The following GRIK3 variants were observed in gnomAD, a reference collection of about 807,000 sequenced individuals.
The protein encoded by GRIK3 is glutamate receptor ionotropic, kainate 3.
GRIK3 carries 29 observed loss-of-function variants against 102.5 expected under a neutral mutation model. The observed-to-expected ratio is 0.28, with a 90% confidence interval of 0.21 to 0.39. The LOEUF (loss-of-function observed/expected upper bound fraction) is 0.39. GRIK3 is among the 10% of genes least tolerant of loss of function. The pLI, the probability that GRIK3 is intolerant of heterozygous loss-of-function variation, is 1.00. For synonymous variants in GRIK3, 511 were observed against 504.9 expected, an observed-to-expected ratio of 1.01 and a Z score of -0.16; for missense variants, 908 against 1,252.4, an observed-to-expected ratio of 0.73 and a Z score of 4.15.
intron 15 of GRIK3, among the ~76,000 whole-genome samples, chr1:36,802,822 G>C (rs1642456800): frequency 6.6e-6 from 1 of 152,158 alleles, no homozygotes; most frequent in African/African-American, 2.4e-5. Flanking sequence ...CTGGGGACTA[G>C]GCTTTGTATT....
intron 1 of GRIK3, among the ~76,000 whole-genome samples, chr1:36,987,932 T>C (rs1159303661): frequency 2.0e-5 from 3 of 152,168 alleles, no homozygotes; most frequent in Non-Finnish European, 4.4e-5. Flanking sequence ...CCTGCTTTAA[T>C]AGAACTCAGG....
At chr1:36,973,476 G>A (rs111883742) in intron 1 of GRIK3, among the ~76,000 whole-genome samples, 35,980 of 144,358 alleles carry the variant, frequency 0.25, 5,690 homozygotes, top group African/African-American at 0.46. Context: ...CTGGAGTGCA[G>A]TGGCACAATC....
At chr1:36,985,494 A>G (rs1211106067) in intron 1 of GRIK3, among the ~76,000 whole-genome samples, 1 of 152,174 alleles carries the variant, frequency 6.6e-6, no homozygotes, top group Non-Finnish European at 1.5e-5. Flanking sequence ...GGGGGCTGCA[A>G]GAGCAGGCAG....
intron 9 of GRIK3, among the ~76,000 whole-genome samples, chr1:36,845,233 CA>C (rs1257948021): frequency 6.6e-6 from 1 of 152,180 alleles, no homozygotes; most frequent in Non-Finnish European, 1.5e-5. Context: ...TCCAGACAGC[CA>C]ATTCACAAGC....
intron 1 of GRIK3, among the ~76,000 whole-genome samples, chr1:37,018,427 T>A (rs1425640938): frequency 6.6e-6 from 1 of 152,206 alleles, no homozygotes; most frequent in Non-Finnish European, 1.5e-5. Flanking sequence ...CTCCTTCTCA[T>A]ACACCGCAAC....
At chr1:36,940,315 G>A (rs522309) in intron 1 of GRIK3, among the ~76,000 whole-genome samples, 8,157 of 152,264 alleles carry the variant, frequency 0.054, 655 homozygotes, top group African/African-American at 0.17. Flanking sequence ...GAGAGGTCCA[G>A]TGCTCTTTTG....
At chr1:36,987,194 G>A (rs1642315220) in intron 1 of GRIK3, among the ~76,000 whole-genome samples, 1 of 151,288 alleles carries the variant, frequency 6.6e-6, no homozygotes, top group Non-Finnish European at 1.5e-5. Flanking sequence ...TCCATCAGGT[G>A]GGCAGCACTG....
chr1:36,974,059 AG>A (rs1642171189), intron 1 of GRIK3, among the ~76,000 whole-genome samples: 1 of 152,142 alleles, frequency 6.6e-6, no homozygotes, highest in Non-Finnish European at 1.5e-5. Context: ...CATGGGATTG[AG>A]GCCCCAGCAA....
At chr1:36,839,935 G>T (rs753205344) in intron 10 of GRIK3, among the ~76,000 whole-genome samples, 1 of 152,164 alleles carries the variant, frequency 6.6e-6, no homozygotes, top group Non-Finnish European at 1.5e-5. Context: ...CCGAGGCAAG[G>T]GGGCTTAACC....
chr1:36,886,926 G>A (rs752995927), intron 2 of GRIK3, among the ~76,000 whole-genome samples: 50 of 152,172 alleles, frequency 3.3e-4, no homozygotes, highest in Non-Finnish European at 5.3e-4. Context: ...AGTGGAGAAA[G>A]TTTATTCTTT....
chr1:36,812,382 G>T (rs1450538825), intron 13 of GRIK3, among the ~76,000 whole-genome samples: 1 of 152,052 alleles, frequency 6.6e-6, no homozygotes, highest in Admixed American at 6.5e-5. Flanking sequence ...CACTGAAAAA[G>T]GTCTAAGTGC....
intron 1 of GRIK3, among the ~76,000 whole-genome samples, chr1:36,960,716 T>C (rs1174427491): frequency 6.6e-6 from 1 of 152,206 alleles, no homozygotes; most frequent in Non-Finnish European, 1.5e-5. Flanking sequence ...CCTGGCTCCT[T>C]GGAGGCTGCT....
chr1:36,879,423 G>C (rs1244318544), intron 3 of GRIK3, among the ~76,000 whole-genome samples: 2 of 152,194 alleles, frequency 1.3e-5, no homozygotes, highest in Non-Finnish European at 2.9e-5. Flanking sequence ...GATCCCAGAG[G>C]TCGAGGTGAT....
At chr1:36,937,293 A>G (rs187997685) in intron 1 of GRIK3, among the ~76,000 whole-genome samples, 1 of 152,272 alleles carries the variant, frequency 6.6e-6, no homozygotes, top group African/African-American at 2.4e-5. Flanking sequence ...CCCGGTGTGA[A>G]TCAGCTTCCT....
rs537845793 is a variant in GRIK3 at position 36,959,438 on chromosome 1, C to T, written c.116-68342G>A. Among the ~76,000 whole-genome samples the T allele has an allele frequency of 4.1e-5, 5 of 123,124 alleles. 1 individual carries two copies. Among genetic ancestry groups the T allele is most frequent in the African/African-American group, 1.4e-4 (5 of 34,738 alleles). 80.8% of individuals were successfully genotyped at this position (123,124 alleles called of 152,430 possible). ...GATCTGTGAGTCTGTGAGTCTGTGC[C>T]CCGTGACTCTGTGCCCCATGAGCCT... On this transcript the variant is annotated intron_variant, in intron 1 of 15. Transcript: ENST00000373091.
At chr1:36,917,977 T>G (rs1269891208) in intron 1 of GRIK3, among the ~76,000 whole-genome samples, 4 of 152,200 alleles carry the variant, frequency 2.6e-5, no homozygotes, top group African/African-American at 9.6e-5. Context: ...GCAGCTGCAT[T>G]TGCAGAACTG....
chr1:36,847,030 C>T (rs193004380), intron 9 of GRIK3, among the ~76,000 whole-genome samples: 103 of 152,382 alleles, frequency 6.8e-4, no homozygotes, highest in African/African-American at 2.4e-3. Flanking sequence ...AAGCACACCT[C>T]ACCCTCCGGT....
At chr1:36,977,914 C>A (rs1276229351) in intron 1 of GRIK3, among the ~76,000 whole-genome samples, 1 of 152,256 alleles carries the variant, frequency 6.6e-6, no homozygotes, top group Non-Finnish European at 1.5e-5. Context: ...GGGGCAGGCC[C>A]TGCAGGGCAA....
At chr1:36,830,010 G>T (rs1642798514) in intron 10 of GRIK3, among the ~76,000 whole-genome samples, 1 of 152,236 alleles carries the variant, frequency 6.6e-6, no homozygotes, top group African/African-American at 2.4e-5. Context: ...CTTGCTGCCT[G>T]TGTCTGGTGT....
Sources: gnomAD v4.1 joint callset for allele counts (sites outside exome capture counted in the v4.1 genomes callset) on GRCh38, gnomAD v4.1.1 for gene constraint, MANE v1.5 for transcripts, NCBI Gene and HGNC (gene_info 2026-07-23, HGNC 2026-07-21) for gene names.